Variants in PRKCQ observed in about 807,000 individuals in gnomAD.
The protein encoded by PRKCQ is protein kinase C theta.
In PRKCQ, 41 loss-of-function variants were observed where a neutral mutation model predicts 91.2. The observed-to-expected ratio is 0.45, with a 90% confidence interval of 0.35 to 0.58. The LOEUF (loss-of-function observed/expected upper bound fraction) is 0.58. PRKCQ is among the 20% of genes least tolerant of loss of function. The probability of loss-of-function intolerance (pLI) is 0.00; values close to 1 mark genes in which losing one functional copy is unlikely to be tolerated. For synonymous variants in PRKCQ, 307 were observed against 316.9 expected (o/e 0.97, Z 0.33); for missense variants, 673 against 896.5 (o/e 0.75, Z 3.18).
chr10:6,510,938 A>T, intron 3 of PRKCQ, 57 bp downstream of exon 3: 1 of 1,597,886 alleles, frequency 6.3e-7, no homozygotes, highest in Non-Finnish European at 8.6e-7. Flanking sequence ...GTTCTGAGCC[A>T]GTCATCGGCT....
At chr10:6,550,869 C>T (rs1840157007) in intron 1 of PRKCQ, among the ~76,000 whole-genome samples, 2 of 152,210 alleles carry the variant, frequency 1.3e-5, no homozygotes, top group Non-Finnish European at 2.9e-5. Context: ...TTCACCAACA[C>T]TTGTTATTTT....
In PRKCQ at chr10:6,428,258, C is replaced by A; in HGVS notation, c.2070G>T (p.Met690Ile). 1.9e-6 allele frequency: 3 copies of A among 1,614,202 alleles called. No homozygotes were observed. Among genetic ancestry groups the A allele is most frequent in the Non-Finnish European group, 2.5e-6 (3 of 1,180,040 alleles). The stretch of plus-strand genomic sequence containing the variant: ...GGTTCATGAAGGAAAAGTTCCTGAA[C>A]ATATTCTGGTCCATGCTGTTGATCA... ...RALINSMDQNMFRNFSFMNPG... is the reference protein window; with the variant it reads ...RALINSMDQNIFRNFSFMNPG... Residue 690 changes from methionine to isoleucine, a missense_variant, in exon 18 of 18, where the codon ATG becomes ATT. By Grantham distance (10) the Met-to-Ile change is conservative (BLOSUM62 1). Transcript: ENST00000263125.
intron 1 of PRKCQ, among the ~76,000 whole-genome samples, chr10:6,528,483 C>T (rs1182233768): frequency 6.6e-5 from 10 of 152,138 alleles, no homozygotes; most frequent in East Asian, 3.9e-4. Context: ...TGTGAACAGA[C>T]GACCAACTTA....
chr10:6,483,938 C>G (rs1171323054), intron 10 of PRKCQ, among the ~76,000 whole-genome samples: 1 of 152,170 alleles, frequency 6.6e-6, no homozygotes, highest in African/African-American at 2.4e-5. Flanking sequence ...AATGCCACAT[C>G]AAGGACATCT....
At chr10:6,467,393 G>GAGAC (rs1835737109) in intron 12 of PRKCQ, among the ~76,000 whole-genome samples, 1 of 36,552 alleles carries the variant, frequency 2.7e-5, no homozygotes, top group South Asian at 1.3e-3. Flanking sequence ...GACAGACAGA[G>GAGAC]AGAGAGAGAG....
At position 6,490,466 on chromosome 10, in the gene PRKCQ, C is replaced by T. The variant is rs372452838; in HGVS notation, c.790+1217G>A. On this transcript the variant is annotated intron_variant, in intron 8 of 17. Transcript: ENST00000263125. Reference sequence around the variant, plus strand: ...GCTCACCAGGCATGGTGACTCACTCCTGTAATCCTAGCACTTTTGGAGGCT... The same window carrying T: ...GCTCACCAGGCATGGTGACTCACTCTTGTAATCCTAGCACTTTTGGAGGCT... Among the ~76,000 whole-genome samples, 15 of 151,354 alleles carry T rather than the reference C, an allele frequency of 9.9e-5. No homozygotes were observed. The East Asian group carries it at 2.5e-3, about 26-fold the overall frequency.
chr10:6,469,018 T>C (rs556776253), intron 12 of PRKCQ, among the ~76,000 whole-genome samples: 1 of 152,348 alleles, frequency 6.6e-6, no homozygotes, highest in South Asian at 2.1e-4. Context: ...CAAGAACTCC[T>C]TATGTATTAA....
intron 8 of PRKCQ, among the ~76,000 whole-genome samples, chr10:6,490,822 G>C (rs1472954543): frequency 6.6e-6 from 1 of 151,502 alleles, no homozygotes; most frequent in East Asian, 1.9e-4. Context: ...TCCTTTTGTG[G>C]CTCTATTCTC....
chr10:6,553,489 C>CAA (rs869196227), intron 1 of PRKCQ, among the ~76,000 whole-genome samples: 25 of 8,884 alleles, frequency 2.8e-3, no homozygotes, highest in African/African-American at 5.2e-3. Flanking sequence ...GACCCTGTCT[C>CAA]AAAAAAAAAA....
intron 1 of PRKCQ, among the ~76,000 whole-genome samples, chr10:6,527,243 G>A (rs1451947727): frequency 1.3e-5 from 2 of 152,178 alleles, no homozygotes; most frequent in Non-Finnish European, 2.9e-5. Flanking sequence ...TCAGCAGCCA[G>A]GTACTGAAAC....
intron 10 of PRKCQ, among the ~76,000 whole-genome samples, chr10:6,484,333 G>A (rs1836783279): frequency 6.6e-6 from 1 of 152,032 alleles, no homozygotes; most frequent in Admixed American, 6.5e-5. Context: ...AGAATCCCTT[G>A]AACCCACAGG....
chr10:6,440,127 C>G (rs1295314961), intron 16 of PRKCQ, among the ~76,000 whole-genome samples: 1 of 152,172 alleles, frequency 6.6e-6, no homozygotes, highest in Non-Finnish European at 1.5e-5. Context: ...TGAAGAGGTG[C>G]CTTCTGCCAT....
chr10:6,428,132 G>A lies in PRKCQ; in HGVS notation c.*75C>T. 6.4e-7 allele frequency: 1 copy of A among 1,561,492 alleles called. No homozygotes were observed. Among genetic ancestry groups the A allele is most frequent in the Non-Finnish European group, 8.7e-7 (1 of 1,143,978 alleles). On this transcript the variant is annotated 3_prime_UTR_variant, in exon 18 of 18. Coordinates refer to ENST00000263125, the MANE Select transcript of PRKCQ (RefSeq NM_006257.5). The stretch of plus-strand genomic sequence containing the variant: ...TTCTTTCTTTTTCCAAGTTGAAAAA[G>A]GAACCCAAGCAGTGTCTCTTGAACC...
In PRKCQ at chr10:6,450,877, A is replaced by G. The variant is rs1019850330; in HGVS notation, c.1647+5797T>C. ...GAAATAAAGATGTTCTTTGAAATCAATGAGAACAAAGACACAACATACCAG... is the reference window on the plus strand; with the variant it reads ...GAAATAAAGATGTTCTTTGAAATCAGTGAGAACAAAGACACAACATACCAG... On this transcript the variant is annotated intron_variant, in intron 15 of 17. Coordinates refer to ENST00000263125, the MANE Select transcript of PRKCQ (RefSeq NM_006257.5). 1.3e-4 allele frequency among the ~76,000 whole-genome samples: 20 copies of G among 152,302 alleles called. No individual in the cohort carries two copies. The East Asian group carries it at 1.4e-3, about 10-fold the overall frequency.
intron 15 of PRKCQ, among the ~76,000 whole-genome samples, chr10:6,453,907 T>A (rs1336692435): frequency 1.3e-5 from 2 of 150,600 alleles, no homozygotes; most frequent in African/African-American, 4.9e-5. Context: ...AACATCACAC[T>A]CTGGGGACTG....
chr10:6,478,859 T>A, intron 12 of PRKCQ, 133 bp downstream of exon 12: 1 of 988,034 alleles, frequency 1.0e-6, no homozygotes, highest in Non-Finnish European at 1.5e-6. Context: ...GATGTTTGGA[T>A]GGATGGCAGG....
chr10:6,472,894 G>A lies in PRKCQ; in HGVS notation c.1353+6098C>T, dbSNP rs375067878. On this transcript the variant is annotated intron_variant, in intron 12 of 17. Coordinates refer to ENST00000263125, the MANE Select transcript of PRKCQ (RefSeq NM_006257.5). The stretch of plus-strand genomic sequence containing the variant: ...CGCCTGGCTAATTTTTGTATTTTTA[G>A]TGGAGACAGAGTTTCGCCATGTTGG... Among the ~76,000 whole-genome samples, 17 of 152,172 alleles carry A rather than the reference G, an allele frequency of 1.1e-4. No homozygotes were observed. The East Asian group carries it at 2.9e-3, about 26-fold the overall frequency.
At chr10:6,543,899 G>A (rs963109947) in intron 1 of PRKCQ, among the ~76,000 whole-genome samples, 2 of 152,300 alleles carry the variant, frequency 1.3e-5, no homozygotes, top group Admixed American at 6.5e-5. Context: ...TGTCAGGACC[G>A]AAAGAGCAGA....
At chr10:6,436,656 T>C (rs147009834) in intron 16 of PRKCQ, among the ~76,000 whole-genome samples, 107 of 152,350 alleles carry the variant, frequency 7.0e-4, no homozygotes, top group African/African-American at 2.5e-3. Context: ...GTTATATCAA[T>C]GGACTCAGAG....
Sources: gnomAD v4.1 joint callset for allele counts (sites outside exome capture counted in the v4.1 genomes callset) on GRCh38, gnomAD v4.1.1 for gene constraint, MANE v1.5 for transcripts, NCBI Gene and HGNC (gene_info 2026-07-23, HGNC 2026-07-21) for gene names.